Variants in AR observed in about 807,000 individuals in gnomAD.
The protein encoded by AR is androgen receptor.
In AR, 8 loss-of-function variants were observed where a neutral mutation model predicts 53.9. The observed-to-expected ratio is 0.15, with a 90% CI of 0.09 to 0.27. AR has a LOEUF of 0.27. Ranked by LOEUF, AR falls within the 10% of genes least tolerant of loss-of-function variation. The pLI is 1.00. For synonymous variants in AR, 359 were observed against 316.4 expected, an observed-to-expected ratio of 1.13 and a Z score of -1.43; for missense variants, 639 against 742.5, an observed-to-expected ratio of 0.86 and a Z score of 1.62.
chrX:67,689,043 G>A (rs1422527332), intron 3 of AR, among the ~76,000 whole-genome samples: 1 of 111,384 alleles, frequency 9.0e-6, no homozygotes, highest in Non-Finnish European at 1.9e-5. Flanking sequence ...ATGGCAACTA[G>A]GAATGTGGCC....
rs1381884043 is a variant in AR, at chrX:67,544,957, C to A, written c.-190C>A. On this transcript the variant is annotated 5_prime_UTR_variant, in exon 1 of 8. Coordinates refer to ENST00000374690, the MANE Select transcript of AR (RefSeq NM_000044.6). ...CTTGTCCACCGTGTGTCTTCTTCTG[C>A]ACGAGACTTTGAGGCTGTCAGAGCG... 1.2e-5 allele frequency: 6 copies of A among 519,254 alleles called. No homozygotes were observed. Among genetic ancestry groups the A allele is most frequent in the Non-Finnish European group, 1.5e-5 (5 of 332,947 alleles). 42.8% of individuals were successfully genotyped at this position (519,254 alleles called of 1,213,427 possible). A position where few individuals can be genotyped will look rare whatever the true frequency, so the allele number is the denominator to read the frequency against.
intron 1 of AR, among the ~76,000 whole-genome samples, chrX:67,642,793 A>G (rs1248391440): frequency 3.6e-5 from 4 of 112,092 alleles, no homozygotes; most frequent in African/African-American, 1.3e-4. Context: ...TCTCTATTTT[A>G]TAGATGAGAT....
intron 1 of AR, among the ~76,000 whole-genome samples, chrX:67,624,583 A>G (rs1569285700): frequency 9.0e-6 from 1 of 111,447 alleles, no homozygotes; most frequent in Non-Finnish European, 1.9e-5. Context: ...CTGCAGGCTA[A>G]TATCACATTT....
chrX:67,689,750 T>C (rs773457199), intron 3 of AR: 2 of 834,050 alleles, frequency 2.4e-6, no homozygotes, highest in African/African-American at 4.4e-5. Flanking sequence ...TTGACTACTT[T>C]TCATTTCAGA....
chrX:67,606,082 A>C (rs1923611386), intron 1 of AR, among the ~76,000 whole-genome samples: 1 of 111,242 alleles, frequency 9.0e-6, no homozygotes, highest in South Asian at 3.9e-4. Context: ...AGTGTACATG[A>C]GTATAAGGTG....
Position 67,726,803 on chromosome X carries a change from C to T in AR, c.*2962C>T, listed in dbSNP as rs986620387. On this transcript the variant is annotated 3_prime_UTR_variant, in exon 8 of 8. Coordinates refer to ENST00000374690, the MANE Select transcript of AR (RefSeq NM_000044.6). ...ATTGACAGAAGTCTCATTTTGCATG[C>T]GCTCTGCTCTACAAACAGAGTTGGT... 5 of 172,923 alleles carry T rather than the reference C, an allele frequency of 2.9e-5. No homozygotes were observed. Among genetic ancestry groups the T allele is most frequent in the Non-Finnish European group, 4.4e-5 (4 of 90,845 alleles). The allele number at this position is 172,923 out of a possible 1,213,427, so 14.3% of individuals were successfully genotyped here.
intron 5 of AR, among the ~76,000 whole-genome samples, chrX:67,718,871 A>T (rs1380294765): frequency 1.8e-5 from 2 of 111,578 alleles, no homozygotes; most frequent in Non-Finnish European, 3.8e-5. Context: ...TGACCTCATG[A>T]TCTGCCCGCC....
In AR at chrX:67,691,140, A is replaced by C. The variant is rs775551027; in HGVS notation, c.1885+5014A>C. Among the ~76,000 whole-genome samples the C allele has an allele frequency of 6.2e-4, 70 of 112,300 alleles. No homozygotes were observed. The Middle Eastern group carries it at 0.023, about 37-fold the overall frequency. ...TGTAGAAAGTGAGACAATTTTAGGA[A>C]GGCCAGCTAGAGAGAAATTTCTAGC... is the stretch of plus-strand genomic sequence containing the variant. On this transcript the variant is annotated intron_variant, in intron 3 of 7. Coordinates refer to ENST00000374690, the MANE Select transcript of AR (RefSeq NM_000044.6).
intron 3 of AR, among the ~76,000 whole-genome samples, 199 bp from the exon 4 acceptor site, chrX:67,711,203 T>A (rs2076092190): frequency 8.9e-6 from 1 of 112,026 alleles, no homozygotes. Flanking sequence ...CTATGAAAAA[T>A]TTGGGTTTAG....
At chrX:67,628,163 A>G (rs1330542754) in intron 1 of AR, among the ~76,000 whole-genome samples, 1 of 110,673 alleles carries the variant, frequency 9.0e-6, no homozygotes, top group African/African-American at 3.3e-5. Context: ...GTTTTTTCCA[A>G]TTCTGTGAAG....
rs1417453565 is a variant in AR, at chrX:67,686,108, G to A, written c.1867G>A (p.Ala623Thr). 1 of 1,209,953 alleles carries A rather than the reference G, an allele frequency of 8.3e-7. No individual in the cohort carries two copies. Among genetic ancestry groups the A allele is most frequent in the South Asian group, 1.8e-5 (1 of 56,916 alleles). ...TTGTCGTCTTCGGAAATGTTATGAAGCAGGGATGACTCTGGGAGGTAAGAT... is the reference window on the plus strand; with the variant it reads ...TTGTCGTCTTCGGAAATGTTATGAAACAGGGATGACTCTGGGAGGTAAGAT... ...PSCRLRKCYE[A>T]GMTLGARKLK... The change falls in exon 3 of 8, where the codon GCA (alanine) becomes ACA (threonine). Residue 623 changes from alanine to threonine, a missense_variant. By Grantham distance (58) the Ala-to-Thr change is moderately conservative. Transcript: ENST00000374690.
At chrX:67,685,897 T>G (rs1330271983) in intron 2 of AR, 113 bp from the exon 3 acceptor site, 5 of 1,106,029 alleles carry the variant, frequency 4.5e-6, no homozygotes, top group East Asian at 6.3e-5. Flanking sequence ...TCTGTCCACT[T>G]TTTTCATGTG....
intron 1 of AR, among the ~76,000 whole-genome samples, chrX:67,610,264 C>G (rs1465723688): frequency 1.8e-5 from 2 of 111,414 alleles, no homozygotes; most frequent in African/African-American, 6.5e-5. Flanking sequence ...ATGCATCACA[C>G]TAATTAATTA....
At chrX:67,684,441 A>G (rs915359499) in intron 2 of AR, among the ~76,000 whole-genome samples, 1 of 111,293 alleles carries the variant, frequency 9.0e-6, no homozygotes, top group Non-Finnish European at 1.9e-5. Flanking sequence ...CCCAATAAAT[A>G]GTAGTTTTCT....
At position 67,727,964 on chromosome X, in the gene AR, T is replaced by C. The variant is rs1002920817; in HGVS notation, c.*4123T>C. On this transcript the variant is annotated 3_prime_UTR_variant, in exon 8 of 8. Coordinates refer to ENST00000374690, the MANE Select transcript of AR (RefSeq NM_000044.6). Reference sequence around the variant, plus strand: ...CCTGATGCCTTTGTAGGCAGATCTGTTCTCACCATTAATCTTTTTGAAAAT... The same window carrying C: ...CCTGATGCCTTTGTAGGCAGATCTGCTCTCACCATTAATCTTTTTGAAAAT... 2.3e-5 allele frequency: 4 copies of C among 173,543 alleles called. No individual in the cohort carries two copies. The highest frequency in any genetic ancestry group is 1.2e-4 in the African/African-American group (4 of 33,937). 14.3% of individuals were successfully genotyped at this position (173,543 alleles called of 1,213,427 possible). A position where few individuals can be genotyped will look rare whatever the true frequency, so the allele number is the denominator to read the frequency against.
intron 2 of AR, among the ~76,000 whole-genome samples, chrX:67,672,760 T>C (rs950602715): frequency 9.0e-6 from 1 of 111,702 alleles, no homozygotes; most frequent in Non-Finnish European, 1.9e-5. Context: ...TCTCATAGTC[T>C]TTCTACTCAA....
chrX:67,705,095 GT>G (rs1468058433), intron 3 of AR, among the ~76,000 whole-genome samples: 1 of 111,425 alleles, frequency 9.0e-6, no homozygotes, highest in Admixed American at 9.6e-5. Flanking sequence ...CTCCAGCTTT[GT>G]TCTTTTGGCT....
chrX:67,626,858 C>A (rs1924689168), intron 1 of AR, among the ~76,000 whole-genome samples: 1 of 95,221 alleles, frequency 1.1e-5, no homozygotes, highest in Non-Finnish European at 2.1e-5. Context: ...TCAATTCCCA[C>A]CTATGAGTGA....
At chrX:67,627,815 A>G (rs760417558) in intron 1 of AR, among the ~76,000 whole-genome samples, 107 of 111,662 alleles carry the variant, frequency 9.6e-4, no homozygotes, top group African/African-American at 3.0e-3. Context: ...ATTTTTGTAT[A>G]AGGTGTAAGG....
Sources: allele counts gnomAD v4.1 joint callset (sites outside exome capture counted in the v4.1 genomes callset), GRCh38; gene constraint gnomAD v4.1.1; transcripts MANE v1.5; gene names NCBI Gene and HGNC (gene_info 2026-07-23, HGNC 2026-07-21).